TNNI3K: variants seen among roughly 807,000 people sequenced by gnomAD.
TNNI3K encodes TNNI3 interacting kinase, also known as serine/threonine-protein kinase TNNI3K.
TNNI3K carries 140 observed loss-of-function variants against 114.5 expected under a neutral mutation model. That is an observed-to-expected ratio of 1.22 (90% CI 1.07 to 1.41). The LOEUF is 1.41. Among genes scored for constraint, TNNI3K ranks in the 40% most tolerant of loss-of-function variants. The probability of loss-of-function intolerance (pLI) is 0.00; values close to 1 mark genes in which losing one functional copy is unlikely to be tolerated. For synonymous variants in TNNI3K, 347 were observed against 347.5 expected, an observed-to-expected ratio of 1.00 and a Z score of 0.02; for missense variants, 1,125 against 1,007.6, an observed-to-expected ratio of 1.12 and a Z score of -1.58.
chr1:74,326,865 C>T (rs1458429948), intron 5 of TNNI3K, among the ~76,000 whole-genome samples: 3 of 151,792 alleles, frequency 2.0e-5, no homozygotes, highest in African/African-American at 4.8e-5. Flanking sequence ...CCAAGGTGGG[C>T]GGATCATGAA....
intron 23 of TNNI3K, among the ~76,000 whole-genome samples, chr1:74,517,423 CT>C (rs1646365271): frequency 3.3e-5 from 5 of 152,212 alleles, no homozygotes; most frequent in Admixed American, 3.3e-4. Context: ...CCTTCAAACA[CT>C]TACTTGAGCA....
intron 21 of TNNI3K, chr1:74,471,994 A>G (rs1557588349): frequency 1.6e-6 from 1 of 642,140 alleles, no homozygotes; most frequent in East Asian, 2.7e-5. Context: ...TTTTTGTACG[A>G]TCTTTTGTAC....
intron 17 of TNNI3K, among the ~76,000 whole-genome samples, chr1:74,413,465 C>T (rs893924270): frequency 2.6e-5 from 4 of 152,080 alleles, no homozygotes; most frequent in Non-Finnish European, 4.4e-5. Flanking sequence ...GGTGTTGTTA[C>T]GGTAGAGCCA....
intron 5 of TNNI3K, among the ~76,000 whole-genome samples, chr1:74,307,378 A>G (rs1658708897): frequency 6.6e-6 from 1 of 152,128 alleles, no homozygotes; most frequent in African/African-American, 2.4e-5. Context: ...TATTCAAGAG[A>G]CCCATCTTGC....
intron 17 of TNNI3K, among the ~76,000 whole-genome samples, chr1:74,381,816 G>C (rs1295875866): frequency 6.6e-6 from 1 of 152,082 alleles, no homozygotes; most frequent in Non-Finnish European, 1.5e-5. Context: ...TTCTTCCTAG[G>C]GCTCCTTCAC....
At chr1:74,285,421 A>T (rs932673233) in intron 5 of TNNI3K, among the ~76,000 whole-genome samples, 1 of 152,158 alleles carries the variant, frequency 6.6e-6, no homozygotes, top group East Asian at 1.9e-4. Context: ...TAGTCTCTTT[A>T]TGGTTCACCT....
Position 74,236,217 on chromosome 1 carries a change from T to C in TNNI3K, c.149+7T>C, listed in dbSNP as rs1653848916. 4.4e-6 allele frequency: 7 copies of C among 1,597,718 alleles called. No homozygotes were observed. The highest frequency in any genetic ancestry group is 6.0e-6 in the Non-Finnish European group (7 of 1,170,152). Reference sequence around the variant, plus strand: ...AACTAAGGAATATATTTGGGTAAAGTTGTAAGAGTCATTATTTCTTTGTAT... The same window carrying C: ...AACTAAGGAATATATTTGGGTAAAGCTGTAAGAGTCATTATTTCTTTGTAT... On this transcript the variant is annotated splice_region_variant and intron_variant, in intron 2 of 24. Coordinates refer to ENST00000326637, the MANE Select transcript of TNNI3K (RefSeq NM_015978.3).
At chr1:74,385,199 G>A (rs1295655005) in intron 17 of TNNI3K, among the ~76,000 whole-genome samples, 1 of 152,130 alleles carries the variant, frequency 6.6e-6, no homozygotes, top group Non-Finnish European at 1.5e-5. Context: ...CTAATCAATA[G>A]AGTTGAAAAG....
At chr1:74,425,686 G>A (rs1364824931) in intron 17 of TNNI3K, among the ~76,000 whole-genome samples, 8 of 152,060 alleles carry the variant, frequency 5.3e-5, no homozygotes, top group Non-Finnish European at 8.8e-5. Flanking sequence ...TGAAAGCCGG[G>A]ATGAGAAGAA....
chr1:74,290,122 A>G (rs898148161), intron 5 of TNNI3K, among the ~76,000 whole-genome samples: 2 of 151,782 alleles, frequency 1.3e-5, no homozygotes, highest in African/African-American at 4.8e-5. Context: ...CACTAAGCAC[A>G]TACCACATCT....
intron 21 of TNNI3K, among the ~76,000 whole-genome samples, chr1:74,474,237 G>A (rs1224539568): frequency 6.6e-6 from 1 of 152,106 alleles, no homozygotes; most frequent in Admixed American, 6.6e-5. Flanking sequence ...CCTAAGGTAT[G>A]ATTCTAATGA....
At chr1:74,519,643 A>G (rs1280021042) in intron 23 of TNNI3K, among the ~76,000 whole-genome samples, 2 of 152,134 alleles carry the variant, frequency 1.3e-5, no homozygotes, top group Non-Finnish European at 2.9e-5. Context: ...AGAGATAAAA[A>G]CTTCTAAGAA....
At chr1:74,242,096 A>G (rs530904590) in intron 2 of TNNI3K, among the ~76,000 whole-genome samples, 12 of 151,968 alleles carry the variant, frequency 7.9e-5, no homozygotes, top group South Asian at 6.2e-4. Context: ...TGATCTGCCC[A>G]CCTTGGCCTC....
intron 23 of TNNI3K, among the ~76,000 whole-genome samples, chr1:74,504,842 T>G (rs1196450571): frequency 6.6e-6 from 1 of 152,152 alleles, no homozygotes; most frequent in East Asian, 1.9e-4. Context: ...ATGCACTCCC[T>G]CCTAACCCAA....
intron 21 of TNNI3K, chr1:74,472,333 A>C: frequency 6.7e-6 from 4 of 593,112 alleles, no homozygotes; most frequent in Non-Finnish European, 9.0e-6. Context: ...CTATTTCCTA[A>C]TTTGTAACCA....
At chr1:74,416,360 G>A (rs1570593831) in intron 17 of TNNI3K, 4 of 984,580 alleles carry the variant, frequency 4.1e-6, no homozygotes, top group East Asian at 1.1e-4. Flanking sequence ...GGAGAGTAAC[G>A]AGCAGAGCTG....
chr1:74,421,726 G>T (rs1296856843), intron 17 of TNNI3K, among the ~76,000 whole-genome samples: 1 of 151,980 alleles, frequency 6.6e-6, no homozygotes, highest in Admixed American at 6.6e-5. Flanking sequence ...TCTGGCAGGG[G>T]TAAAGACATA....
intron 17 of TNNI3K, among the ~76,000 whole-genome samples, chr1:74,386,841 C>T (rs968671236): frequency 6.6e-6 from 1 of 152,024 alleles, no homozygotes; most frequent in Admixed American, 6.6e-5. Flanking sequence ...TTAAATCATC[C>T]CTTGATGACT....
intron 17 of TNNI3K, among the ~76,000 whole-genome samples, chr1:74,435,546 T>A (rs963853237): frequency 2.6e-5 from 4 of 152,062 alleles, no homozygotes; most frequent in Admixed American, 1.3e-4. Context: ...AAAAGTGGTT[T>A]AGTTGGCATC....
Sources: allele counts gnomAD v4.1 joint callset (sites outside exome capture counted in the v4.1 genomes callset), GRCh38; gene constraint gnomAD v4.1.1; transcripts MANE v1.5; gene names NCBI Gene and HGNC (gene_info 2026-07-23, HGNC 2026-07-21).